Variants in DISC1 observed in about 807,000 individuals in gnomAD.
DISC1 encodes DISC1 scaffold protein.
In DISC1, 57 loss-of-function variants were observed where a neutral mutation model predicts 84.5. That is an observed-to-expected ratio of 0.67 (90% CI 0.55 to 0.84). The LOEUF (loss-of-function observed/expected upper bound fraction) is 0.84. Among genes scored for constraint, DISC1 ranks in the 40% least tolerant of loss-of-function variants. The pLI, the probability that DISC1 is intolerant of heterozygous loss-of-function variation, is 0.00. For synonymous variants in DISC1, 411 were observed against 415.2 expected, an observed-to-expected ratio of 0.99 and a Z score of 0.12; for missense variants, 1,000 against 1,057.8, an observed-to-expected ratio of 0.95 and a Z score of 0.76.
At chr1:231,674,396 T>C (rs2062935828) in intron 1 of DISC1, among the ~76,000 whole-genome samples, 1 of 152,216 alleles carries the variant, frequency 6.6e-6, no homozygotes, top group African/African-American at 2.4e-5. Flanking sequence ...CAATATTTGA[T>C]CCATAGCCAT....
intron 9 of DISC1, among the ~76,000 whole-genome samples, chr1:231,838,537 T>C (rs927467982): frequency 6.6e-6 from 1 of 152,156 alleles, no homozygotes; most frequent in Admixed American, 6.5e-5. Flanking sequence ...AGCAAGAATA[T>C]AGAAAAGGAC....
chr1:231,859,578 G>A (rs2084506935), intron 9 of DISC1, among the ~76,000 whole-genome samples: 1 of 152,172 alleles, frequency 6.6e-6, no homozygotes, highest in Non-Finnish European at 1.5e-5. Context: ...TTGGGGTTAG[G>A]ATTTTAACAA....
At chr1:232,035,864 C>G (rs1278930604) in intron 12 of DISC1, among the ~76,000 whole-genome samples, 1 of 152,180 alleles carries the variant, frequency 6.6e-6, no homozygotes, top group Non-Finnish European at 1.5e-5. Context: ...AACACCCAGA[C>G]GAGAACCCGT....
intron 3 of DISC1, among the ~76,000 whole-genome samples, chr1:231,719,868 T>G (rs1573215664): frequency 6.6e-6 from 1 of 152,316 alleles, no homozygotes; most frequent in South Asian, 2.1e-4. Context: ...TATGTCACAG[T>G]AGACAAACAA....
chr1:231,872,812 T>C (rs910017762), intron 9 of DISC1, among the ~76,000 whole-genome samples: 1 of 152,266 alleles, frequency 6.6e-6, no homozygotes, highest in Non-Finnish European at 1.5e-5. Flanking sequence ...TGATCTATTG[T>C]TGGGGTGCCT....
At chr1:231,787,214 A>G (rs2077946622) in intron 6 of DISC1, among the ~76,000 whole-genome samples, 2 of 152,222 alleles carry the variant, frequency 1.3e-5, no homozygotes, top group Admixed American at 6.5e-5. Flanking sequence ...TAGATGCCCA[A>G]TGCAGCTGTC....
chr1:231,676,145 C>A (rs922725155), intron 1 of DISC1, among the ~76,000 whole-genome samples: 2 of 152,218 alleles, frequency 1.3e-5, no homozygotes, highest in African/African-American at 4.8e-5. Flanking sequence ...CCGCCCCCAT[C>A]GTCTGCTGGT....
intron 9 of DISC1, among the ~76,000 whole-genome samples, chr1:231,929,364 A>G (rs1198484279): frequency 6.6e-6 from 1 of 152,172 alleles, no homozygotes; most frequent in Non-Finnish European, 1.5e-5. Context: ...AAATATGGAA[A>G]TCCTGTCCCT....
At chr1:231,867,420 G>A (rs567654439) in intron 9 of DISC1, among the ~76,000 whole-genome samples, 15 of 152,306 alleles carry the variant, frequency 9.8e-5, no homozygotes, top group Middle Eastern at 6.8e-3. Flanking sequence ...CCTGGAGGCT[G>A]TAAAAAGTGG....
intron 9 of DISC1, among the ~76,000 whole-genome samples, chr1:231,946,325 A>G (rs1055855795): frequency 2.0e-5 from 3 of 152,180 alleles, no homozygotes; most frequent in Non-Finnish European, 4.4e-5. Context: ...ATCAATAAAC[A>G]TAATCCATCA....
At position 231,962,543 on chromosome 1, in the gene DISC1, G is replaced by A. The variant is rs552174002; in HGVS notation, c.2042+3655G>A. ...TGGAGGCAACACGTTACCCAACTTC[G>A]GGCTAAACTGTAAGGCTACAGTAAC... On this transcript the variant is annotated intron_variant, in intron 10 of 12. Transcript: ENST00000439617. Among the ~76,000 whole-genome samples, 69 of 152,204 alleles carry A rather than the reference G, an allele frequency of 4.5e-4. 1 individual carries two copies. Among genetic ancestry groups the A allele is most frequent in the South Asian group, 4.2e-3 (20 of 4,816 alleles).
intron 4 of DISC1, among the ~76,000 whole-genome samples, chr1:231,762,514 G>GT (rs752334318): frequency 0.021 from 1,090 of 52,834 alleles, 16 homozygotes; most frequent in African/African-American, 0.048. Context: ...GTTTTGTTTT[G>GT]TTTTTTTTTT....
At chr1:231,659,496 T>C (rs1404137011) in intron 1 of DISC1, among the ~76,000 whole-genome samples, 1 of 152,172 alleles carries the variant, frequency 6.6e-6, no homozygotes, top group African/African-American at 2.4e-5. Context: ...TATGCCCTCA[T>C]CCTGGTTATT....
intron 6 of DISC1, among the ~76,000 whole-genome samples, chr1:231,789,533 G>C (rs758557414): frequency 6.6e-6 from 1 of 152,212 alleles, no homozygotes; most frequent in African/African-American, 2.4e-5. Flanking sequence ...GTTCAGAGAC[G>C]ATTGCAGCAT....
intron 1 of DISC1, among the ~76,000 whole-genome samples, chr1:231,671,391 T>G (rs2062604219): frequency 6.6e-6 from 1 of 152,180 alleles, no homozygotes; most frequent in Non-Finnish European, 1.5e-5. Context: ...TGCCTCTTGC[T>G]GCTTCTGAGA....
chr1:232,014,963 A>G (rs1421197074), intron 11 of DISC1, among the ~76,000 whole-genome samples: 1 of 152,238 alleles, frequency 6.6e-6, no homozygotes, highest in Non-Finnish European at 1.5e-5. Flanking sequence ...TAACTGGCCT[A>G]CAGAAGTGAA....
intron 7 of DISC1, among the ~76,000 whole-genome samples, chr1:231,795,996 G>GT (rs1435369096): frequency 6.6e-6 from 1 of 152,112 alleles, no homozygotes; most frequent in Non-Finnish European, 1.5e-5. Context: ...GTTGGTGACT[G>GT]TTTTTTTGTT....
Position 232,028,898 on chromosome 1 carries a change from A to T in DISC1, c.2425+2346A>T, listed in dbSNP as rs533352381. Among the ~76,000 whole-genome samples, 40 of 152,320 alleles carry T rather than the reference A, an allele frequency of 2.6e-4. No individual in the cohort carries two copies. The South Asian group carries it at 8.1e-3, about 31-fold the overall frequency. The stretch of plus-strand genomic sequence containing the variant: ...ATTATAATAAAACTTCTATAAATGG[A>T]TAGGGATTATTATCCCTACTTGACA... On this transcript the variant is annotated intron_variant, in intron 12 of 12. Transcript: ENST00000439617.
At chr1:231,985,336 C>CAA (rs59619547) in intron 10 of DISC1, among the ~76,000 whole-genome samples, 7 of 99,704 alleles carry the variant, frequency 7.0e-5, no homozygotes, top group East Asian at 2.9e-4. Flanking sequence ...CCCCACCCAC[C>CAA]AAAAAAAAAA....
Sources: gnomAD v4.1 joint callset for allele counts (sites outside exome capture counted in the v4.1 genomes callset) on GRCh38, gnomAD v4.1.1 for gene constraint, MANE v1.5 for transcripts, NCBI Gene and HGNC (gene_info 2026-07-23, HGNC 2026-07-21) for gene names.